DENND4A: variants seen among roughly 807,000 people sequenced by gnomAD.
DENND4A encodes the protein C-myc promoter-binding protein.
In DENND4A, 70 loss-of-function variants were observed where a neutral mutation model predicts 199.3. The observed-to-expected ratio is 0.35, with a 90% confidence interval of 0.29 to 0.43. The LOEUF is 0.43. DENND4A is among the 20% of genes least tolerant of loss of function. DENND4A has a pLI of 1.00. For missense variants in DENND4A, 1,723 were observed against 2,255.8 expected (o/e 0.76, Z 4.78); for synonymous variants, 686 against 766.9 (o/e 0.89, Z 1.74).
intron 8 of DENND4A, 55 bp from the exon 9 acceptor site, chr15:65,731,755 C>T (rs1410194323): frequency 1.6e-6 from 2 of 1,212,430 alleles, no homozygotes; most frequent in Non-Finnish European, 2.3e-6. Flanking sequence ...CTTTAAAACA[C>T]CACTTTCTGT....
chr15:65,721,896 T>C (rs1189121612), intron 12 of DENND4A, among the ~76,000 whole-genome samples: 1 of 152,238 alleles, frequency 6.6e-6, no homozygotes, highest in African/African-American at 2.4e-5. Context: ...TAATTTTCCT[T>C]ATCAGTAATT....
At chr15:65,670,847 T>C (rs1391184724) in intron 25 of DENND4A, among the ~76,000 whole-genome samples, 2 of 152,240 alleles carry the variant, frequency 1.3e-5, no homozygotes, top group Admixed American at 1.3e-4. Flanking sequence ...GTGTTCATCA[T>C]CTATGTTTTG....
chr15:65,702,437 G>C lies in DENND4A; in HGVS notation c.2298C>G (p.Arg766=), dbSNP rs1430986335. The C allele has an allele frequency of 6.3e-7, 1 of 1,594,224 alleles. No individual in the cohort carries two copies. The highest frequency in any genetic ancestry group is 8.5e-7 in the Non-Finnish European group (1 of 1,170,002). Residue 766 remains arginine, a synonymous_variant, in exon 17 of 33, where the codon CGC becomes CGG. Coordinates refer to ENST00000443035, the MANE Select transcript of DENND4A (RefSeq NM_001320835.1). ...AAATAAACCACAGTCCATAACAGTG[G>C]CGCAGTAGACACCTAGACCACATCT... The part of the protein sequence containing the change: ...IPQMWSRCLL[R]HCYGLWFICL...
At chr15:65,732,289 CAA>C (rs2075982411) in intron 8 of DENND4A, among the ~76,000 whole-genome samples, 1 of 152,038 alleles carries the variant, frequency 6.6e-6, no homozygotes, top group African/African-American at 2.4e-5. Flanking sequence ...TTCCAGGAAA[CAA>C]GACAGAAATC....
intron 20 of DENND4A, among the ~76,000 whole-genome samples, chr15:65,700,260 G>C (rs1307367202): frequency 2.0e-5 from 3 of 151,820 alleles, no homozygotes; most frequent in Non-Finnish European, 4.4e-5. Flanking sequence ...GAAAATGATA[G>C]GGTAAACAGA....
chr15:65,705,765 A>C (rs1340176557), intron 15 of DENND4A, among the ~76,000 whole-genome samples: 4 of 152,032 alleles, frequency 2.6e-5, no homozygotes, highest in Non-Finnish European at 4.4e-5. Flanking sequence ...AAAGTGAGGA[A>C]ACCAGCTTTA....
At chr15:65,730,281 A>T (rs2075921093) in intron 9 of DENND4A, among the ~76,000 whole-genome samples, 1 of 152,178 alleles carries the variant, frequency 6.6e-6, no homozygotes, top group African/African-American at 2.4e-5. Flanking sequence ...GTAACAAAAT[A>T]CTGAACTGAC....
chr15:65,685,199 T>C (rs971986025), intron 23 of DENND4A, among the ~76,000 whole-genome samples: 101 of 151,928 alleles, frequency 6.6e-4, no homozygotes, highest in Admixed American at 2.8e-3. Flanking sequence ...CAATCTCAGC[T>C]CACCGCAAGC....
At chr15:65,767,436 T>C (rs183980914) in intron 1 of DENND4A, 1 of 152,330 alleles carries the variant, frequency 6.6e-6, no homozygotes, top group East Asian at 1.9e-4. Flanking sequence ...GAATATCTGT[T>C]AAATGAATGA....
rs1395758446 is a variant in DENND4A at position 65,756,391 on chromosome 15, A to G, written c.60T>C (p.Asp20=). 1 of 1,613,946 alleles carries G rather than the reference A, an allele frequency of 6.2e-7. No individual in the cohort carries two copies. Among genetic ancestry groups the G allele is most frequent in the Non-Finnish European group, 8.5e-7 (1 of 1,179,860 alleles). The change falls in exon 3 of 33, where the codon GAT becomes GAC. Residue 20 remains aspartate (D), a synonymous_variant. Transcript: ENST00000443035. ...ADYFVVAGLT[D]VSKPLEEEIH... Reference sequence around the variant, plus strand: ...TTTCTTCTTCTAGAGGCTTTGAAACATCAGTTAATCCTGCTACAACAAAGT... The same window carrying G: ...TTTCTTCTTCTAGAGGCTTTGAAACGTCAGTTAATCCTGCTACAACAAAGT...
rs975328019 is a variant in DENND4A, at chr15:65,704,247, T to G, written c.2088-1239A>C. On this transcript the variant is annotated intron_variant, in intron 15 of 32. Transcript: ENST00000443035. The stretch of plus-strand genomic sequence containing the variant: ...GTAATCTCTTATGAGGCAGACTCTG[T>G]GCTCATTAAGGACATTTACGGTGTT... Among the ~76,000 whole-genome samples, 39 of 152,350 alleles carry G rather than the reference T, an allele frequency of 2.6e-4. 1 individual carries two copies. Among genetic ancestry groups the G allele is most frequent in the African/African-American group, 8.9e-4 (37 of 41,584 alleles).
In DENND4A at chr15:65,661,896, T is replaced by C. The variant is rs1271039876; in HGVS notation, c.5679A>G (p.Thr1893=). The C allele has an allele frequency of 3.7e-6, 6 of 1,612,638 alleles. No homozygotes were observed. Among genetic ancestry groups the C allele is most frequent in the Non-Finnish European group, 5.1e-6 (6 of 1,179,350 alleles). The change falls in exon 33 of 33, where the codon ACA becomes ACG. Residue 1893 remains threonine (T), a synonymous_variant. Transcript: ENST00000443035. The part of the protein sequence containing the change: ...STHNCDRPPS[T]GVMECRKTFG... Reference sequence around the variant, plus strand: ...AGGTTTTTCGACATTCCATCACCCCTGTACTTGGTGGTCTATCACAGTTGT... The same window carrying C: ...AGGTTTTTCGACATTCCATCACCCCCGTACTTGGTGGTCTATCACAGTTGT...
At chr15:65,763,461 G>C (rs532185192) in intron 1 of DENND4A, among the ~76,000 whole-genome samples, 16 of 152,184 alleles carry the variant, frequency 1.1e-4, no homozygotes, top group Admixed American at 3.9e-4. Flanking sequence ...GTTGAGGCGT[G>C]TGGATCACTT....
intron 22 of DENND4A, among the ~76,000 whole-genome samples, chr15:65,692,333 A>G (rs908974268): frequency 6.6e-6 from 1 of 152,172 alleles, no homozygotes; most frequent in Non-Finnish European, 1.5e-5. Flanking sequence ...AATACTGTTC[A>G]CTGTTTTCTA....
chr15:65,782,559 G>A (rs1478768293), intron 1 of DENND4A, among the ~76,000 whole-genome samples: 2 of 151,978 alleles, frequency 1.3e-5, no homozygotes, highest in Admixed American at 6.6e-5. Flanking sequence ...ATGTGACCTC[G>A]GACAAGTTGT....
At chr15:65,707,988 T>C (rs367880417) in intron 14 of DENND4A, among the ~76,000 whole-genome samples, 1 of 152,066 alleles carries the variant, frequency 6.6e-6, no homozygotes, top group African/African-American at 2.4e-5. Context: ...ACCCAGCCTA[T>C]ATATTATGAT....
rs8032229 is a variant in DENND4A, at chr15:65,663,331, G to T, written c.5587+999C>A. ...TTCAAGTGATTCTCCTGCCTCAGGC[G>T]CCTGAGTAGCTGGGACTACAGGCAT... On this transcript the variant is annotated intron_variant, in intron 32 of 32. Transcript: ENST00000443035. Among the ~76,000 whole-genome samples, 1,471 of 150,858 alleles carry T rather than the reference G, an allele frequency of 9.8e-3. 28 individuals carry two copies. The highest frequency in any genetic ancestry group is 0.034 in the African/African-American group (1,402 of 41,096).
At chr15:65,759,936 T>C (rs1434726274) in intron 2 of DENND4A, among the ~76,000 whole-genome samples, 1 of 152,148 alleles carries the variant, frequency 6.6e-6, no homozygotes, top group African/African-American at 2.4e-5. Flanking sequence ...ATTTTGCTAA[T>C]TTTTTTTAAA....
chr15:65,707,688 G>T (rs2075106686), intron 14 of DENND4A, among the ~76,000 whole-genome samples: 1 of 149,894 alleles, frequency 6.7e-6, no homozygotes, highest in African/African-American at 2.5e-5. Flanking sequence ...TACATATTAT[G>T]ATTTTTTTTT....
Sources: gnomAD v4.1 joint callset for allele counts (sites outside exome capture counted in the v4.1 genomes callset) on GRCh38, gnomAD v4.1.1 for gene constraint, MANE v1.5 for transcripts, NCBI Gene and HGNC (gene_info 2026-07-23, HGNC 2026-07-21) for gene names.